Variants in NDUFS1 observed in about 807,000 individuals in gnomAD.
The protein encoded by NDUFS1 is NADH-ubiquinone oxidoreductase 75 kDa subunit, mitochondrial.
A neutral mutation model predicts 84.4 loss-of-function variants in NDUFS1; 61 were observed. The ratio of observed to expected loss-of-function variants is 0.72; its 90% CI spans 0.59 to 0.89. The LOEUF (loss-of-function observed/expected upper bound fraction) is 0.89, where lower values mean the gene tolerates loss of function less well. NDUFS1 is among the 40% of genes least tolerant of loss of function. NDUFS1 has a pLI of 0.00. For missense variants in NDUFS1, 891 were observed against 890.0 expected (o/e 1.00, Z -0.01); for synonymous variants, 275 against 290.0 (o/e 0.95, Z 0.53).
chr2:206,126,454 C>T, intron 18 of NDUFS1, 85 bp downstream of exon 18: 1 of 1,247,148 alleles, frequency 8.0e-7, no homozygotes, highest in Non-Finnish European at 1.2e-6. Flanking sequence ...CTATCAATCA[C>T]AAATTGGAAT....
In NDUFS1 at chr2:206,127,953, C is replaced by G. The variant is rs375289050; in HGVS notation, c.1728G>C (p.Gly576=). 2 of 1,613,916 alleles carry G rather than the reference C, an allele frequency of 1.2e-6. No homozygotes were observed. Among genetic ancestry groups the G allele is most frequent in the South Asian group, 1.1e-5 (1 of 91,060 alleles). Residue 576 remains glycine, a synonymous_variant, in exon 16 of 19, where the codon GGG becomes GGC. Transcript: ENST00000233190. ...IIYQGHHGDV[G]APIADVILPG... ...GGAGAATAACATCAGCTATGGGAGC[C>G]CCAACATCACCATGATGTCCTGCAC...
At chr2:206,129,754 G>A (rs186940905) in intron 15 of NDUFS1, among the ~76,000 whole-genome samples, 111 of 152,040 alleles carry the variant, frequency 7.3e-4, no homozygotes, top group African/African-American at 2.6e-3. Context: ...ACCACGCTCG[G>A]CTAATTTTTA....
intron 11 of NDUFS1, among the ~76,000 whole-genome samples, 166 bp from the exon 12 acceptor site, chr2:206,142,235 T>C (rs549942712): frequency 1.3e-4 from 20 of 152,128 alleles, no homozygotes; most frequent in Non-Finnish European, 2.5e-4. Context: ...TTTTCTCAGA[T>C]AGAGTCTCAC....
At chr2:206,137,593 A>G (rs1023194806) in intron 13 of NDUFS1, among the ~76,000 whole-genome samples, 12 of 152,208 alleles carry the variant, frequency 7.9e-5, no homozygotes, top group Non-Finnish European at 1.5e-4. Flanking sequence ...AGGGGGGAAA[A>G]AAAAGTCTGA....
chr2:206,130,264 T>C, intron 14 of NDUFS1, 22 bp from the exon 15 acceptor site: 3 of 1,613,564 alleles, frequency 1.9e-6, no homozygotes, highest in Non-Finnish European at 2.5e-6. Flanking sequence ...TTATGGAATT[T>C]TACCATAACT....
intron 1 of NDUFS1, among the ~76,000 whole-genome samples, 193 bp from the exon 2 acceptor site, chr2:206,153,875 T>C (rs971105789): frequency 6.6e-6 from 1 of 152,200 alleles, no homozygotes; most frequent in South Asian, 2.1e-4. Flanking sequence ...GTCAAAGAGC[T>C]AAGCAGCAGC....
rs35511947 is a variant in NDUFS1 at position 206,143,846 on chromosome 2, A to ATC, written c.987+171_987+172insGA. Among the ~76,000 whole-genome samples the ATC allele has an allele frequency of 0.026, 3,989 of 152,276 alleles. 175 individuals carry two copies. Among genetic ancestry groups the ATC allele is most frequent in the African/African-American group, 0.091 (3,794 of 41,534 alleles). On this transcript the variant is annotated intron_variant, in intron 10 of 18. Coordinates refer to ENST00000233190, the MANE Select transcript of NDUFS1 (RefSeq NM_005006.7). Reference sequence around the variant, plus strand: ...GTGTCTCTGGTCTTTATATCCCTTAATAGCATAATATCTAGCATATGTCCT... The same window carrying ATC: ...GTGTCTCTGGTCTTTATATCCCTTAATCTAGCATAATATCTAGCATATGTCCT...
At chr2:206,155,580 G>A (rs78400609) in intron 1 of NDUFS1, among the ~76,000 whole-genome samples, 3,293 of 152,046 alleles carry the variant, frequency 0.022, 67 homozygotes, top group South Asian at 0.038. Context: ...AACATGCCCG[G>A]CAAATTTTTG....
intron 13 of NDUFS1, among the ~76,000 whole-genome samples, chr2:206,136,672 G>A (rs1237925393): frequency 6.6e-6 from 1 of 151,950 alleles, no homozygotes; most frequent in Admixed American, 6.6e-5. Context: ...GACCTCAGGT[G>A]ATCCATACAC....
At position 206,142,154 on chromosome 2, in the gene NDUFS1, C is replaced by T. The variant is rs1691988059; in HGVS notation, c.1134-85G>A. 2.4e-6 allele frequency: 3 copies of T among 1,224,806 alleles called. No homozygotes were observed. The South Asian group carries it at 4.0e-5, about 16-fold the overall frequency. The allele number at this position is 1,224,806 out of a possible 1,614,324, so 75.9% of individuals were successfully genotyped here. Reference sequence around the variant, plus strand: ...ATGAAATATTCTCCTATCATCAAACCCATTGCCTTCTCAAACAAAAAATTT... The same window carrying T: ...ATGAAATATTCTCCTATCATCAAACTCATTGCCTTCTCAAACAAAAAATTT... On this transcript the variant is annotated intron_variant, in intron 11 of 18. Transcript: ENST00000233190.
rs1397600456 is a variant in NDUFS1, at chr2:206,117,414, A to G, written c.*6771T>C. 6.6e-6 allele frequency: 1 copy of G among 152,230 alleles called. No homozygotes were observed. Among genetic ancestry groups the G allele is most frequent in the African/African-American group, 2.4e-5 (1 of 41,460 alleles). The allele number at this position is 152,230 out of a possible 1,614,324, so 9.4% of individuals were successfully genotyped here. Reference sequence around the variant, plus strand: ...TAGTCTTGGGTAATGTACTTGACACACAGTAGATACTCTGCAAAAAAATTT... The same window carrying G: ...TAGTCTTGGGTAATGTACTTGACACGCAGTAGATACTCTGCAAAAAAATTT... On this transcript the variant is annotated 3_prime_UTR_variant, in exon 19 of 19. Transcript: ENST00000233190.
rs1043302239 is a variant in NDUFS1, at chr2:206,150,051, A to G, written c.154-126T>C. ...TATCTATCTATCTATCTATCTATCT[A>G]TCTTAATTCATTCTTATTTCAGTCC... On this transcript the variant is annotated intron_variant, in intron 3 of 18. Transcript: ENST00000233190. The G allele has an allele frequency of 1.0e-4, 73 of 719,830 alleles. No individual in the cohort carries two copies. The Admixed American group carries it at 1.8e-3, about 17-fold the overall frequency. The allele number at this position is 719,830 out of a possible 1,614,324, so 44.6% of individuals were successfully genotyped here. A position where few individuals can be genotyped will look rare whatever the true frequency, so the allele number is the denominator to read the frequency against.
Position 206,145,103 on chromosome 2 carries a change from T to A in NDUFS1, c.738-77A>T, listed in dbSNP as rs187109496. 1.7e-3 allele frequency: 2,445 copies of A among 1,416,088 alleles called. 31 individuals carry two copies. The East Asian group carries it at 0.033, about 19-fold the overall frequency. The allele number at this position is 1,416,088 out of a possible 1,614,324, so 87.7% of individuals were successfully genotyped here. ...TTCTGTTACCTGGTTTACCAAAAAA[T>A]TTTTTTTACAATTAATTCCCTTTCT... On this transcript the variant is annotated intron_variant, in intron 8 of 18. Transcript: ENST00000233190.
rs145128746 is a variant in NDUFS1 at position 206,118,187 on chromosome 2, G to C, written c.*5998C>G. On this transcript the variant is annotated 3_prime_UTR_variant, in exon 19 of 19. Coordinates refer to ENST00000233190, the MANE Select transcript of NDUFS1 (RefSeq NM_005006.7). Reference sequence around the variant, plus strand: ...AAAACACTTTAAGCAGAGGGTATTTGGTTTTGAGATCCTTGTTCTCTTAAA... The same window carrying C: ...AAAACACTTTAAGCAGAGGGTATTTCGTTTTGAGATCCTTGTTCTCTTAAA... 6.6e-6 allele frequency: 1 copy of C among 152,108 alleles called. No homozygotes were observed. The highest frequency in any genetic ancestry group is 6.5e-5 in the Admixed American group (1 of 15,268). The allele number at this position is 152,108 out of a possible 1,614,324, so 9.4% of individuals were successfully genotyped here.
At chr2:206,133,199 T>G in intron 13 of NDUFS1, 94 bp from the exon 14 acceptor site, 1 of 1,030,342 alleles carries the variant, frequency 9.7e-7, no homozygotes, top group Non-Finnish European at 1.4e-6. Flanking sequence ...TTGTCCCAAG[T>G]CTTAGGTGTA....
rs1483058209 is a variant in NDUFS1, at chr2:206,141,969, G to A, written c.1234C>T (p.Pro412Ser). The change falls in exon 12 of 19, where the codon CCA becomes TCA. Residue 412 changes from proline (P) to serine (S), a missense_variant. Coordinates refer to ENST00000233190, the MANE Select transcript of NDUFS1 (RefSeq NM_005006.7). ...LVGTNPRFEA[P>S]LFNARIRKSW... ...TTTCGAATTCTAGCATTAAACAGTG[G>A]TGCCTCAAAACGTGGGTTTGTACCA... is the stretch of plus-strand genomic sequence containing the variant. 3.1e-6 allele frequency: 5 copies of A among 1,610,822 alleles called. No homozygotes were observed. In the South Asian group the frequency reaches 4.4e-5, roughly 14 times the overall value.
chr2:206,124,598 G>A (rs1170082396), intron 18 of NDUFS1, among the ~76,000 whole-genome samples: 2 of 152,142 alleles, frequency 1.3e-5, no homozygotes, highest in Non-Finnish European at 2.9e-5. Context: ...CCAGCACTTT[G>A]GGAGGCCGAG....
rs952109009 is a variant in NDUFS1, at chr2:206,147,677, A to T, written c.421-16T>A. The T allele has an allele frequency of 5.0e-6, 8 of 1,614,010 alleles. No homozygotes were observed. Among genetic ancestry groups the T allele is most frequent in the Non-Finnish European group, 6.8e-6 (8 of 1,180,046 alleles). ...TGGACTGGTCCTTAAGTAGATTATGAAAGAGTCAATCTCATGCTGCTAATA... is the reference window on the plus strand; with the variant it reads ...TGGACTGGTCCTTAAGTAGATTATGTAAGAGTCAATCTCATGCTGCTAATA... On this transcript the variant is annotated splice_polypyrimidine_tract_variant and intron_variant, in intron 6 of 18. Coordinates refer to ENST00000233190, the MANE Select transcript of NDUFS1 (RefSeq NM_005006.7).
At chr2:206,143,908 TA>T in intron 10 of NDUFS1, 109 bp downstream of exon 10, 2 of 872,506 alleles carry the variant, frequency 2.3e-6, no homozygotes, top group Non-Finnish European at 1.9e-6. Context: ...GATTAAATCA[TA>T]ATCTTGGTAA....
Sources: allele counts gnomAD v4.1 joint callset (sites outside exome capture counted in the v4.1 genomes callset), GRCh38; gene constraint gnomAD v4.1.1; transcripts MANE v1.5; gene names NCBI Gene and HGNC (gene_info 2026-07-23, HGNC 2026-07-21).